ARHGAP39: variants seen among roughly 807,000 people sequenced by gnomAD.
ARHGAP39 encodes the protein Rho GTPase activating protein 39.
A neutral mutation model predicts 106.9 loss-of-function variants in ARHGAP39; 44 were observed. The observed-to-expected ratio is 0.41, with a 90% CI of 0.32 to 0.53. ARHGAP39 has a LOEUF of 0.53. ARHGAP39 is among the 20% of genes least tolerant of loss of function. The pLI, the probability that ARHGAP39 is intolerant of heterozygous loss-of-function variation, is 0.21. For synonymous variants in ARHGAP39, 768 were observed against 693.2 expected, an observed-to-expected ratio of 1.11 and a Z score of -1.69; for missense variants, 1,496 against 1,577.3, an observed-to-expected ratio of 0.95 and a Z score of 0.87.
At chr8:144,636,352 T>G (rs1320052069) in intron 1 of ARHGAP39, among the ~76,000 whole-genome samples, 3 of 152,162 alleles carry the variant, frequency 2.0e-5, no homozygotes, top group East Asian at 1.9e-4. Context: ...GGTAGGAAAA[T>G]GTAAACTCAC....
At chr8:144,691,170 A>T in the ARHGAP39 span, among the ~76,000 whole-genome samples, 26 of 152,062 alleles carry the variant, frequency 1.7e-4, no homozygotes, top group Non-Finnish European at 3.5e-4. Flanking sequence ...TCAACTAGTG[A>T]CTGTGTCTGG....
upstream of ARHGAP39, among the ~76,000 whole-genome samples, chr8:144,686,973 CCCACCCCCG>C (rs2129791805): frequency 1.1e-5 from 1 of 94,566 alleles, no homozygotes; most frequent in Non-Finnish European, 2.1e-5. Context: ...GCGAGCACTT[CCCACCCCCG>C]TGACCACACA....
intron 2 of ARHGAP39, among the ~76,000 whole-genome samples, chr8:144,597,625 G>C (rs1297958435): frequency 6.6e-6 from 1 of 152,204 alleles, no homozygotes; most frequent in Non-Finnish European, 1.5e-5. Flanking sequence ...GTAATCAATG[G>C]GGCCGGGATT....
chr8:144,613,801 A>G (rs374098375), intron 1 of ARHGAP39, among the ~76,000 whole-genome samples: 1 of 152,228 alleles, frequency 6.6e-6, no homozygotes, highest in Non-Finnish European at 1.5e-5. Context: ...CTAGGCTTAT[A>G]GTTTCCATCA....
chr8:144,692,433 TG>T, the ARHGAP39 span, among the ~76,000 whole-genome samples: 1 of 152,216 alleles, frequency 6.6e-6, no homozygotes, highest in Admixed American at 6.5e-5. Flanking sequence ...CAGCATGGCC[TG>T]GGGCAGCCGC....
chr8:144,538,617 T>C (rs1365628431), intron 6 of ARHGAP39, among the ~76,000 whole-genome samples: 1 of 152,196 alleles, frequency 6.6e-6, no homozygotes, highest in East Asian at 1.9e-4. Context: ...GAGTGAGTGG[T>C]GCGATCTCAG....
At chr8:144,600,979 GGTGT>G (rs1250367483) in intron 2 of ARHGAP39, among the ~76,000 whole-genome samples, 2 of 139,076 alleles carry the variant, frequency 1.4e-5, no homozygotes, top group African/African-American at 5.8e-5. Flanking sequence ...TGTGCGTGGA[GGTGT>G]GTGTGCGAGC....
At chr8:144,590,611 C>T (rs1819354489) in intron 2 of ARHGAP39, among the ~76,000 whole-genome samples, 1 of 152,188 alleles carries the variant, frequency 6.6e-6, no homozygotes, top group African/African-American at 2.4e-5. Flanking sequence ...TACCCAGCAT[C>T]AGGTGTTTAC....
intron 1 of ARHGAP39, among the ~76,000 whole-genome samples, chr8:144,638,789 C>G (rs1821238987): frequency 6.6e-6 from 1 of 152,184 alleles, no homozygotes; most frequent in Non-Finnish European, 1.5e-5. Flanking sequence ...CTTAGCTTCC[C>G]TCACTGCCGA....
intron 2 of ARHGAP39, among the ~76,000 whole-genome samples, chr8:144,593,184 C>G (rs11248209): frequency 0.98 from 149,875 of 152,270 alleles, 73,938 homozygotes; most frequent in Middle Eastern, 1. Flanking sequence ...TCTGTTTGCA[C>G]ACAGCGATCA....
At chr8:144,614,001 G>A (rs1820566601) in intron 1 of ARHGAP39, among the ~76,000 whole-genome samples, 1 of 152,146 alleles carries the variant, frequency 6.6e-6, no homozygotes, top group Admixed American at 6.5e-5. Context: ...TCATCTTTAA[G>A]TTCACTAATC....
At position 144,559,458 on chromosome 8, in the gene ARHGAP39, C is replaced by T. The variant is rs973926109; in HGVS notation, c.513-3815G>A. ...GCAACAGAAAGCGCAAGTATTGACC[C>T]AAATATATAAAATAATTCAGGAGAC... is the stretch of plus-strand genomic sequence containing the variant. On this transcript the variant is annotated intron_variant, in intron 3 of 11. Transcript: ENST00000377307. 1.5e-4 allele frequency among the ~76,000 whole-genome samples: 23 copies of T among 149,808 alleles called. No individual in the cohort carries two copies. In the Admixed American group the frequency reaches 1.5e-3, roughly 10 times the overall value.
chr8:144,578,213 T>C (rs1188144464), intron 3 of ARHGAP39, among the ~76,000 whole-genome samples: 2 of 152,184 alleles, frequency 1.3e-5, no homozygotes, highest in African/African-American at 2.4e-5. Flanking sequence ...TGAACCCAAA[T>C]CTATGACAGG....
intron 2 of ARHGAP39, among the ~76,000 whole-genome samples, chr8:144,596,475 A>C (rs576830580): frequency 6.6e-6 from 1 of 152,216 alleles, no homozygotes. Flanking sequence ...CAAGTGACTC[A>C]AAAGTTAAGC....
intron 1 of ARHGAP39, among the ~76,000 whole-genome samples, chr8:144,634,241 T>C (rs1172674270): frequency 9.8e-4 from 13 of 13,240 alleles, no homozygotes; most frequent in African/African-American, 4.7e-3. Flanking sequence ...TCCAGGCCTC[T>C]GCAGGCGCAG....
chr8:144,535,410 C>T (rs757020461), intron 7 of ARHGAP39, among the ~76,000 whole-genome samples: 34 of 152,250 alleles, frequency 2.2e-4, no homozygotes, highest in Non-Finnish European at 4.3e-4. Flanking sequence ...TGGCCCCAGC[C>T]TCCAGCGTGG....
At chr8:144,561,237 A>G (rs1008605086) in intron 3 of ARHGAP39, among the ~76,000 whole-genome samples, 3 of 151,822 alleles carry the variant, frequency 2.0e-5, no homozygotes, top group Non-Finnish European at 4.4e-5. Flanking sequence ...AGTGGTTTCC[A>G]TCACACTCCA....
chr8:144,537,573 C>T (rs1004466818), intron 7 of ARHGAP39, 148 bp downstream of exon 7: 14 of 703,260 alleles, frequency 2.0e-5, no homozygotes, highest in Non-Finnish European at 3.3e-5. Flanking sequence ...CCTGGGCCCT[C>T]CAGCTCGCTC....
Position 144,541,140 on chromosome 8 carries a change from C to T in ARHGAP39, c.2522-3327G>A, listed in dbSNP as rs548602648. 3.2e-4 allele frequency among the ~76,000 whole-genome samples: 49 copies of T among 152,314 alleles called. No individual in the cohort carries two copies. In the South Asian group the frequency reaches 7.5e-3, roughly 23 times the overall value. On this transcript the variant is annotated intron_variant, in intron 6 of 11. Coordinates refer to ENST00000377307, the MANE Select transcript of ARHGAP39 (RefSeq NM_025251.3). ...TGCTGGGATGACAGGCGTGAGCCAC[C>T]GCGCCTGGACTCCTTTGCTTCTTAA...
Sources: allele counts gnomAD v4.1 joint callset (sites outside exome capture counted in the v4.1 genomes callset), GRCh38; gene constraint gnomAD v4.1.1; transcripts MANE v1.5; gene names NCBI Gene and HGNC (gene_info 2026-07-23, HGNC 2026-07-21).